Variants in CTNNA2 observed in about 807,000 individuals in gnomAD.
The protein encoded by CTNNA2 is catenin alpha 2.
In CTNNA2, 42 loss-of-function variants were observed where a neutral mutation model predicts 101.0. That is an observed-to-expected ratio of 0.42 (90% CI 0.32 to 0.54). CTNNA2 has a LOEUF of 0.54. Ranked by LOEUF, CTNNA2 falls within the 20% of genes least tolerant of loss-of-function variation. The probability of loss-of-function intolerance (pLI) is 0.14; values close to 1 mark genes in which losing one functional copy is unlikely to be tolerated. For missense variants in CTNNA2, 871 were observed against 1,223.1 expected (o/e 0.71, Z 4.29); for synonymous variants, 450 against 456.4 (o/e 0.99, Z 0.18).
intron 11 of CTNNA2, among the ~76,000 whole-genome samples, chr2:80,551,562 A>G (rs142966335): frequency 5.3e-5 from 8 of 152,276 alleles, no homozygotes; most frequent in African/African-American, 1.9e-4. Flanking sequence ...TTGCACTTTT[A>G]TGTTATGGAG....
intron 7 of CTNNA2, among the ~76,000 whole-genome samples, chr2:80,076,581 CT>C (rs941183954): frequency 6.5e-4 from 95 of 145,432 alleles, no homozygotes; most frequent in Middle Eastern, 3.6e-3. Flanking sequence ...CTGCACTTGG[CT>C]TTTTTTTTTT....
chr2:79,481,628 A>G (rs957909384), intron 4 of CTNNA2, among the ~76,000 whole-genome samples: 1 of 152,194 alleles, frequency 6.6e-6, no homozygotes, highest in Non-Finnish European at 1.5e-5. Context: ...ATGGAAGGAA[A>G]CTTGTAGAGG....
At chr2:80,516,336 GC>G (rs1473034361) in intron 9 of CTNNA2, among the ~76,000 whole-genome samples, 3 of 152,170 alleles carry the variant, frequency 2.0e-5, no homozygotes, top group Non-Finnish European at 4.4e-5. Context: ...TTACATAAAA[GC>G]CGCAGAAGCT....
chr2:80,465,588 G>A (rs1421273077), intron 9 of CTNNA2, among the ~76,000 whole-genome samples: 1 of 152,084 alleles, frequency 6.6e-6, no homozygotes, highest in Non-Finnish European at 1.5e-5. Context: ...TGCGATGCTG[G>A]TGCATTTAGA....
At chr2:80,095,954 G>A (rs1700118088) in intron 7 of CTNNA2, among the ~76,000 whole-genome samples, 1 of 152,098 alleles carries the variant, frequency 6.6e-6, no homozygotes, top group South Asian at 2.1e-4. Flanking sequence ...CAAAAAACCA[G>A]CTCCTGGATA....
intron 9 of CTNNA2, among the ~76,000 whole-genome samples, chr2:80,448,707 T>C (rs1683256411): frequency 6.6e-6 from 1 of 152,178 alleles, no homozygotes; most frequent in Non-Finnish European, 1.5e-5. Context: ...TTAGGACTGA[T>C]TTTTTACAGG....
chr2:79,408,435 C>T (rs1405590079), intron 4 of CTNNA2, among the ~76,000 whole-genome samples: 2 of 149,860 alleles, frequency 1.3e-5, no homozygotes, highest in African/African-American at 4.9e-5. Flanking sequence ...GGTATATCTC[C>T]TAATGCTATC....
In CTNNA2 at chr2:79,449,548, G is replaced by A. The variant is rs144271096; in HGVS notation, c.-134-55506G>A. On this transcript the variant is annotated intron_variant, in intron 4 of 21. Transcript: ENST00000466387. ...ATATTGGCACATAGAAAGGTAACTC[G>A]TTAAAAAATAAAAGAAGTACCATCA... 3.0e-4 allele frequency among the ~76,000 whole-genome samples: 46 copies of A among 152,078 alleles called. No individual in the cohort carries two copies. The East Asian group carries it at 7.0e-3, about 23-fold the overall frequency.
chr2:80,326,164 T>C (rs113558231), intron 7 of CTNNA2, among the ~76,000 whole-genome samples: 2 of 152,202 alleles, frequency 1.3e-5, no homozygotes, highest in African/African-American at 4.8e-5. Flanking sequence ...GCAGTATTTG[T>C]AAGCCCTTCT....
intron 8 of CTNNA2, among the ~76,000 whole-genome samples, chr2:80,417,818 A>T (rs1680172974): frequency 6.6e-6 from 1 of 152,068 alleles, no homozygotes; most frequent in African/African-American, 2.4e-5. Flanking sequence ...TTTTTCTTAT[A>T]ACTTTGGATG....
intron 2 of CTNNA2, among the ~76,000 whole-genome samples, chr2:79,221,347 C>T (rs1674343204): frequency 6.6e-6 from 1 of 152,098 alleles, no homozygotes; most frequent in Non-Finnish European, 1.5e-5. Flanking sequence ...GAGATGGAGC[C>T]TTGCTATGTT....
At chr2:79,413,688 C>T (rs530654886) in intron 4 of CTNNA2, among the ~76,000 whole-genome samples, 42 of 151,966 alleles carry the variant, frequency 2.8e-4, no homozygotes, top group African/African-American at 9.9e-4. Context: ...CAATAGTGTG[C>T]AAGGGTTCCC....
At chr2:80,486,188 A>T (rs1045548111) in intron 9 of CTNNA2, among the ~76,000 whole-genome samples, 10 of 152,218 alleles carry the variant, frequency 6.6e-5, no homozygotes, top group African/African-American at 2.4e-4. Flanking sequence ...ATAGACACAT[A>T]TCAATTGCTT....
chr2:79,758,875 T>A (rs549252264), intron 3 of CTNNA2, among the ~76,000 whole-genome samples: 62 of 152,262 alleles, frequency 4.1e-4, no homozygotes, highest in African/African-American at 1.4e-3. Flanking sequence ...ATTCCATGAG[T>A]CTGCTTTTGA....
At chr2:79,299,095 T>C (rs376523269) in intron 2 of CTNNA2, among the ~76,000 whole-genome samples, 55 of 152,206 alleles carry the variant, frequency 3.6e-4, no homozygotes, top group East Asian at 2.1e-3. Context: ...AAGCTTCAAC[T>C]CATAGGTTTA....
At chr2:79,409,204 T>G (rs1022611385) in intron 4 of CTNNA2, among the ~76,000 whole-genome samples, 4 of 152,184 alleles carry the variant, frequency 2.6e-5, no homozygotes, top group Non-Finnish European at 4.4e-5. Context: ...TATTAGCCCT[T>G]TGTCAGATGA....
At chr2:79,590,781 A>T (rs905047186) in intron 1 of CTNNA2, among the ~76,000 whole-genome samples, 8 of 152,176 alleles carry the variant, frequency 5.3e-5, no homozygotes, top group African/African-American at 2.4e-5. Context: ...TTGCTTTTCC[A>T]CAACTTATCT....
chr2:79,919,875 G>C (rs183510280), intron 7 of CTNNA2, among the ~76,000 whole-genome samples: 110 of 152,250 alleles, frequency 7.2e-4, no homozygotes, highest in Non-Finnish European at 1.4e-3. Flanking sequence ...TAAGAACTGA[G>C]TGTTTCACTG....
intron 3 of CTNNA2, among the ~76,000 whole-genome samples, chr2:79,843,943 C>T (rs184542268): frequency 3.9e-5 from 6 of 152,200 alleles, no homozygotes; most frequent in East Asian, 1.9e-4. Flanking sequence ...GAGTAGAATG[C>T]GAACATCAGC....
Sources: allele counts gnomAD v4.1 joint callset (sites outside exome capture counted in the v4.1 genomes callset), GRCh38; gene constraint gnomAD v4.1.1; transcripts MANE v1.5; gene names NCBI Gene and HGNC (gene_info 2026-07-23, HGNC 2026-07-21).